Variants in PSD3 observed in about 807,000 individuals in gnomAD.
PSD3 encodes PH and SEC7 domain-containing protein 3.
PSD3 carries 49 observed loss-of-function variants against 105.5 expected under a neutral mutation model. The ratio of observed to expected loss-of-function variants is 0.46; its 90% CI spans 0.37 to 0.59. The LOEUF is 0.59. Among genes scored for constraint, PSD3 ranks in the 20% least tolerant of loss-of-function variants. PSD3 has a pLI of 0.00. For missense variants in PSD3, 1,561 were observed against 1,263.8 expected, an observed-to-expected ratio of 1.24 and a Z score of -3.57; for synonymous variants, 557 against 457.8, an observed-to-expected ratio of 1.22 and a Z score of -2.77.
At chr8:18,992,498 C>A (rs2129473618) in intron 1 of PSD3, among the ~76,000 whole-genome samples, 1 of 152,216 alleles carries the variant, frequency 6.6e-6, no homozygotes, top group East Asian at 1.9e-4. Context: ...TAAAAAGATG[C>A]ACAAGTTTCC....
chr8:18,887,548 AAAGTG>A (rs573878782), intron 2 of PSD3, among the ~76,000 whole-genome samples: 180 of 152,368 alleles, frequency 1.2e-3, no homozygotes, highest in African/African-American at 3.8e-3. Flanking sequence ...ATACATGAGA[AAAGTG>A]AAGTGAGGTG....
At position 18,607,706 on chromosome 8, in the gene PSD3, A is replaced by C. The variant is rs540683400; in HGVS notation, c.2411-7272T>G. 9.5e-4 allele frequency among the ~76,000 whole-genome samples: 140 copies of C among 147,566 alleles called. 3 individuals are homozygous for C. Among genetic ancestry groups the C allele is most frequent in the Admixed American group, 2.8e-3 (42 of 14,862 alleles). ...TACAAAAAAAAAAAACAAAACAAAA[A>C]AAAAAAGGAAGTCAGGTGTATTAGT... On this transcript the variant is annotated intron_variant, in intron 11 of 15. Transcript: ENST00000327040.
At chr8:18,576,950 A>G (rs1802498119) in intron 12 of PSD3, among the ~76,000 whole-genome samples, 1 of 149,064 alleles carries the variant, frequency 6.7e-6, no homozygotes, top group African/African-American at 2.5e-5. Context: ...CCTCTTCCCT[A>G]TTTTCTTTGA....
chr8:18,582,894 C>T (rs376890357), intron 12 of PSD3, among the ~76,000 whole-genome samples: 7 of 147,188 alleles, frequency 4.8e-5, no homozygotes, highest in South Asian at 2.1e-4. Context: ...GGCAAGATCT[C>T]GGCTCACTGC....
intron 9 of PSD3, among the ~76,000 whole-genome samples, chr8:18,656,152 G>A (rs1808876742): frequency 6.6e-6 from 1 of 152,076 alleles, no homozygotes; most frequent in African/African-American, 2.4e-5. Flanking sequence ...CTGCCTCCTG[G>A]GTTCAAGTGA....
At chr8:18,556,390 A>C (rs1375072462) in intron 14 of PSD3, 38 bp from the exon 15 acceptor site, 2 of 1,588,426 alleles carry the variant, frequency 1.3e-6, no homozygotes, top group African/African-American at 2.7e-5. Context: ...GTTCAAAAAA[A>C]AAACAAGTCA....
At chr8:18,958,967 G>A (rs1823746248) in intron 1 of PSD3, among the ~76,000 whole-genome samples, 1 of 151,596 alleles carries the variant, frequency 6.6e-6, no homozygotes, top group Non-Finnish European at 1.5e-5. Flanking sequence ...GTTGCCCAGG[G>A]TGGAGTGCAA....
chr8:18,925,541 C>G lies in PSD3; in HGVS notation c.130+10493G>C, dbSNP rs529559814. ...CATCCCTAACCAAAAATCTAAAATT[C>G]AAAATGCTCCAAAATCTGAAACGTT... On this transcript the variant is annotated intron_variant, in intron 2 of 15. Coordinates refer to ENST00000327040, the MANE Select transcript of PSD3 (RefSeq NM_015310.4). Among the ~76,000 whole-genome samples, 132 of 152,092 alleles carry G rather than the reference C, an allele frequency of 8.7e-4. 1 individual carries two copies. Among genetic ancestry groups the G allele is most frequent in the Admixed American group, 2.6e-3 (40 of 15,274 alleles).
chr8:18,894,572 G>A (rs988259760), intron 2 of PSD3, among the ~76,000 whole-genome samples: 2 of 151,878 alleles, frequency 1.3e-5, no homozygotes, highest in African/African-American at 4.8e-5. Flanking sequence ...ATCTGAGGCA[G>A]GAGTCTAAAC....
intron 10 of PSD3, among the ~76,000 whole-genome samples, chr8:18,644,007 G>A (rs1807847799): frequency 1.3e-5 from 2 of 152,164 alleles, no homozygotes; most frequent in South Asian, 4.1e-4. Flanking sequence ...GAACTGAGGG[G>A]GCTCTGGTGG....
chr8:18,955,926 C>T (rs1264213955), intron 1 of PSD3, among the ~76,000 whole-genome samples: 1 of 151,924 alleles, frequency 6.6e-6, no homozygotes. Context: ...ATGACACTGC[C>T]TCGGCTAATT....
chr8:18,922,565 G>A (rs1206887779), intron 2 of PSD3, among the ~76,000 whole-genome samples: 2 of 152,096 alleles, frequency 1.3e-5, no homozygotes, highest in Non-Finnish European at 1.5e-5. Context: ...TACACCACCT[G>A]GGTGTCCTGT....
chr8:18,918,310 G>A (rs1301264261), intron 2 of PSD3, among the ~76,000 whole-genome samples: 1 of 152,134 alleles, frequency 6.6e-6, no homozygotes, highest in African/African-American at 2.4e-5. Flanking sequence ...CAAAAACTCT[G>A]CTCAGATCTC....
intron 1 of PSD3, among the ~76,000 whole-genome samples, chr8:18,983,899 A>C (rs1413520848): frequency 6.6e-6 from 1 of 151,778 alleles, no homozygotes; most frequent in East Asian, 1.9e-4. Context: ...GCTACTAAGG[A>C]GGCTGAGACA....
intron 10 of PSD3, among the ~76,000 whole-genome samples, chr8:18,642,629 A>G (rs1461027403): frequency 6.6e-6 from 1 of 152,156 alleles, no homozygotes; most frequent in Non-Finnish European, 1.5e-5. Context: ...TACTAACATA[A>G]TCACATTCCA....
intron 8 of PSD3, among the ~76,000 whole-genome samples, chr8:18,793,672 C>A (rs561228190): frequency 6.6e-6 from 1 of 152,224 alleles, no homozygotes; most frequent in South Asian, 2.1e-4. Context: ...AAACTGAATG[C>A]CAACGATAGC....
chr8:18,824,090 G>A lies in PSD3; in HGVS notation c.1635-19192C>T, dbSNP rs781143629. 3.9e-5 allele frequency among the ~76,000 whole-genome samples: 6 copies of A among 152,234 alleles called. No homozygotes were observed. In the South Asian group the frequency reaches 6.2e-4, roughly 16 times the overall value. On this transcript the variant is annotated intron_variant, in intron 4 of 15. Coordinates refer to ENST00000327040, the MANE Select transcript of PSD3 (RefSeq NM_015310.4). ...TGGGAGGCTGAGGCGGGAAGAGCACGTGAGCCCAGGACTTTGAGGCTACAA... is the reference window on the plus strand; with the variant it reads ...TGGGAGGCTGAGGCGGGAAGAGCACATGAGCCCAGGACTTTGAGGCTACAA...
intron 1 of PSD3, among the ~76,000 whole-genome samples, chr8:19,004,686 G>A (rs1343132563): frequency 6.6e-6 from 1 of 152,068 alleles, no homozygotes; most frequent in Non-Finnish European, 1.5e-5. Context: ...GTTTGGCTTT[G>A]TCCCCACCCA....
At chr8:18,826,534 C>G (rs1004264248) in intron 4 of PSD3, among the ~76,000 whole-genome samples, 3 of 152,098 alleles carry the variant, frequency 2.0e-5, no homozygotes, top group Non-Finnish European at 4.4e-5. Context: ...TAAGATTATT[C>G]CTCAAGATCT....
Sources: allele counts gnomAD v4.1 joint callset (sites outside exome capture counted in the v4.1 genomes callset), GRCh38; gene constraint gnomAD v4.1.1; transcripts MANE v1.5; gene names NCBI Gene and HGNC (gene_info 2026-07-23, HGNC 2026-07-21).